Variants in MKLN1 observed in about 807,000 individuals in gnomAD.
The protein encoded by MKLN1 is muskelin 1.
Under a neutral mutation model 99.0 loss-of-function variants are expected in MKLN1, and 18 were observed. That is an observed-to-expected ratio of 0.18 (90% CI 0.13 to 0.27). The LOEUF (loss-of-function observed/expected upper bound fraction) is 0.27. Ranked by LOEUF, MKLN1 falls within the 10% of genes least tolerant of loss-of-function variation. The pLI is 1.00. For missense variants in MKLN1, 621 were observed against 875.9 expected, an observed-to-expected ratio of 0.71 and a Z score of 3.67; for synonymous variants, 288 against 293.2, an observed-to-expected ratio of 0.98 and a Z score of 0.18.
intron 11 of MKLN1, among the ~76,000 whole-genome samples, chr7:131,444,507 A>T (rs1795937212): frequency 6.6e-6 from 1 of 152,134 alleles, no homozygotes; most frequent in Non-Finnish European, 1.5e-5. Flanking sequence ...GAAAAATTAA[A>T]TTGTGAATTC....
At chr7:131,386,849 G>T (rs1375287309) in intron 2 of MKLN1, among the ~76,000 whole-genome samples, 1 of 152,182 alleles carries the variant, frequency 6.6e-6, no homozygotes, top group Non-Finnish European at 1.5e-5. Context: ...TCTTTGATTA[G>T]AAGTTATCTC....
chr7:131,333,267 G>A (rs1270950091), intron 1 of MKLN1, among the ~76,000 whole-genome samples: 3 of 151,048 alleles, frequency 2.0e-5, no homozygotes, highest in South Asian at 2.1e-4. Flanking sequence ...TAGAGATGGG[G>A]TCCCACTATG....
intron 17 of MKLN1, among the ~76,000 whole-genome samples, chr7:131,480,429 G>C (rs748608607): frequency 2.9e-4 from 44 of 152,068 alleles, no homozygotes; most frequent in Non-Finnish European, 5.9e-4. Context: ...CTTTTCACTG[G>C]GATGAAAAAA....
At chr7:131,481,315 A>T (rs1362460375) in intron 17 of MKLN1, among the ~76,000 whole-genome samples, 1 of 152,252 alleles carries the variant, frequency 6.6e-6, no homozygotes, top group Admixed American at 6.5e-5. Context: ...CAAATTGCTG[A>T]GAGAATTAAA....
At chr7:131,116,863 G>T (rs1041497718) in intron 1 of MKLN1, among the ~76,000 whole-genome samples, 2 of 152,050 alleles carry the variant, frequency 1.3e-5, no homozygotes, top group African/African-American at 4.8e-5. Context: ...AACATACTTG[G>T]CTGGCCAGGC....
At chr7:131,112,668 G>T (rs1795217824) in intron 1 of MKLN1, among the ~76,000 whole-genome samples, 1 of 152,208 alleles carries the variant, frequency 6.6e-6, no homozygotes, top group Non-Finnish European at 1.5e-5. Flanking sequence ...TTCCTGAGTA[G>T]CTGGGGCTAC....
intron 2 of MKLN1, among the ~76,000 whole-genome samples, chr7:131,165,398 G>A (rs553775537): frequency 1.3e-5 from 2 of 152,208 alleles, no homozygotes; most frequent in South Asian, 4.2e-4. Context: ...TGTTGGCCAG[G>A]CTGGTCTCGA....
intron 3 of MKLN1, among the ~76,000 whole-genome samples, chr7:131,247,200 G>A (rs1489007773): frequency 6.7e-6 from 1 of 149,726 alleles, no homozygotes; most frequent in East Asian, 2.0e-4. Context: ...TGCCTACTGA[G>A]AGCTTTTTTT....
chr7:131,461,438 T>C (rs1481999236), intron 12 of MKLN1, among the ~76,000 whole-genome samples: 1 of 152,048 alleles, frequency 6.6e-6, no homozygotes, highest in African/African-American at 2.4e-5. Context: ...TGTGTATGTA[T>C]GTATACAAAT....
intron 3 of MKLN1, among the ~76,000 whole-genome samples, chr7:131,241,627 C>T (rs1797405399): frequency 6.6e-6 from 1 of 152,180 alleles, no homozygotes; most frequent in South Asian, 2.1e-4. Flanking sequence ...CACTGCATTC[C>T]AGCCTGGGTG....
chr7:131,466,384 A>G lies in MKLN1; in HGVS notation c.1897A>G (p.Arg633Gly), dbSNP rs1486084442. 1 of 1,596,066 alleles carries G rather than the reference A, an allele frequency of 6.3e-7. No individual in the cohort carries two copies. The highest frequency in any genetic ancestry group is 8.6e-7 in the Non-Finnish European group (1 of 1,168,294). Reference sequence around the variant, plus strand: ...TAGACCTTCAAAAGATTATTTACTGAGGCATTGCAAGTACCTCATAAGAAA... The same window carrying G: ...TAGACCTTCAAAAGATTATTTACTGGGGCATTGCAAGTACCTCATAAGAAA... ...LCRPSKDYLL[R>G]HCKYLIRKHR... The change falls in exon 15 of 18, where the codon AGG (arginine) becomes GGG (glycine). Residue 633 changes from arginine to glycine, a missense_variant. Physicochemically the swap from Arg to Gly is moderately radical, Grantham distance 125 (BLOSUM62 -2). Transcript: ENST00000352689.
At chr7:131,151,021 T>A (rs1044987240) in intron 2 of MKLN1, among the ~76,000 whole-genome samples, 1 of 152,222 alleles carries the variant, frequency 6.6e-6, no homozygotes, top group Non-Finnish European at 1.5e-5. Context: ...TTTTTCATAA[T>A]TGAATGATAA....
At chr7:131,429,007 T>A (rs778422590) in intron 8 of MKLN1, 26 bp from the exon 9 acceptor site, 2 of 1,577,032 alleles carry the variant, frequency 1.3e-6, no homozygotes, top group Non-Finnish European at 8.7e-7. Flanking sequence ...CTTTTTTTTT[T>A]ACACATATTT....
chr7:131,188,701 A>G (rs1363543601), intron 2 of MKLN1, among the ~76,000 whole-genome samples: 1 of 152,200 alleles, frequency 6.6e-6, no homozygotes, highest in Non-Finnish European at 1.5e-5. Context: ...TCTTGATGGG[A>G]GGAGCTGCAA....
At chr7:131,262,288 T>G (rs1043139924) in intron 3 of MKLN1, among the ~76,000 whole-genome samples, 6 of 151,652 alleles carry the variant, frequency 4.0e-5, no homozygotes, top group Non-Finnish European at 7.4e-5. Context: ...TACAAAAAAA[T>G]TAGCTGGTCG....
intron 1 of MKLN1, among the ~76,000 whole-genome samples, chr7:131,338,322 C>G (rs1189096349): frequency 2.0e-5 from 3 of 152,202 alleles, no homozygotes; most frequent in Non-Finnish European, 4.4e-5. Flanking sequence ...GTTTTGTCCC[C>G]CTACTCCCAT....
chr7:131,258,886 C>T (rs1797694245), intron 3 of MKLN1, among the ~76,000 whole-genome samples: 1 of 152,128 alleles, frequency 6.6e-6, no homozygotes. Context: ...AAATGATTTA[C>T]AGGGTGCCTT....
chr7:131,140,384 A>G (rs1479722526), intron 1 of MKLN1, among the ~76,000 whole-genome samples: 1 of 151,734 alleles, frequency 6.6e-6, no homozygotes, highest in Non-Finnish European at 1.5e-5. Flanking sequence ...TCCAAACCTC[A>G]TGTTGAAATT....
intron 3 of MKLN1, among the ~76,000 whole-genome samples, chr7:131,252,241 T>C (rs1401855389): frequency 2.6e-5 from 4 of 152,120 alleles, no homozygotes; most frequent in African/African-American, 7.2e-5. Context: ...AACAATGGAC[T>C]TGATTTAATG....
Sources: gnomAD v4.1 joint callset for allele counts (sites outside exome capture counted in the v4.1 genomes callset) on GRCh38, gnomAD v4.1.1 for gene constraint, MANE v1.5 for transcripts, NCBI Gene and HGNC (gene_info 2026-07-23, HGNC 2026-07-21) for gene names.